COL4A3: variants seen among roughly 807,000 people sequenced by gnomAD.
The protein encoded by COL4A3 is collagen alpha-3(IV) chain.
A neutral mutation model predicts 217.4 loss-of-function variants in COL4A3; 135 were observed. The ratio of observed to expected loss-of-function variants is 0.62; its 90% CI spans 0.54 to 0.72. The LOEUF (loss-of-function observed/expected upper bound fraction) is 0.72, where lower values mean the gene tolerates loss of function less well. Among genes scored for constraint, COL4A3 ranks in the 30% least tolerant of loss-of-function variants. The pLI, the probability that COL4A3 is intolerant of heterozygous loss-of-function variation, is 0.00. For synonymous variants in COL4A3, 690 were observed against 736.3 expected, an observed-to-expected ratio of 0.94 and a Z score of 1.02; for missense variants, 1,868 against 2,119.9, an observed-to-expected ratio of 0.88 and a Z score of 2.33.
intron 1 of COL4A3, chr2:227,169,305 G>T (rs1411909561): frequency 6.6e-6 from 1 of 151,342 alleles, no homozygotes; most frequent in Non-Finnish European, 1.5e-5. Flanking sequence ...GGATATTTGG[G>T]TTGGTTCCAA....
intron 34 of COL4A3, 152 bp downstream of exon 34, chr2:227,284,497 C>G: frequency 1.2e-6 from 1 of 814,484 alleles, no homozygotes; most frequent in Non-Finnish European, 2.0e-6. Flanking sequence ...GCTGAGCAGG[C>G]CTTAGAACTG....
At chr2:227,281,047 A>C (rs753521206) in intron 31 of COL4A3, 41 bp downstream of exon 31, 1 of 1,197,152 alleles carries the variant, frequency 8.4e-7, no homozygotes, top group South Asian at 1.3e-5. Context: ...GAAGGGCAGG[A>C]GACATGAGAC....
intron 1 of COL4A3, among the ~76,000 whole-genome samples, chr2:227,187,861 C>T (rs2066087045): frequency 6.6e-6 from 1 of 152,178 alleles, no homozygotes; most frequent in Admixed American, 6.5e-5. Flanking sequence ...CACTACCAAG[C>T]ATCTAATGCC....
chr2:227,249,212 G>GTGTATATATATATATATATA lies in COL4A3; in HGVS notation c.546+693_546+694insGTATATATATATATATATAT, dbSNP rs1199261361. ...AATTATATATAACCAAAATTAGCTA[G>GTGTATATATATATATATATA]TATATATATATATATATATTTTTTT... On this transcript the variant is annotated intron_variant, in intron 9 of 51. Transcript: ENST00000396578. 2.4e-4 allele frequency among the ~76,000 whole-genome samples: 8 copies of GTGTATATATATATATATATA among 33,232 alleles called. 1 individual carries two copies. Among genetic ancestry groups the GTGTATATATATATATATATA allele is most frequent in the African/African-American group, 5.2e-4 (5 of 9,614 alleles). The allele number at this position is 33,232 out of a possible 152,430, so 21.8% of individuals were successfully genotyped here.
chr2:227,238,541 T>C (rs1044993152), intron 2 of COL4A3, among the ~76,000 whole-genome samples: 1 of 152,200 alleles, frequency 6.6e-6, no homozygotes, highest in Non-Finnish European at 1.5e-5. Context: ...AAAAAAGGAA[T>C]GCCGTGAAAT....
intron 1 of COL4A3, among the ~76,000 whole-genome samples, chr2:227,181,000 C>T (rs1023462786): frequency 2.0e-5 from 3 of 152,050 alleles, no homozygotes; most frequent in Non-Finnish European, 2.9e-5. Flanking sequence ...AGGACTATCC[C>T]GATTAAAAAA....
chr2:227,261,123 T>C lies in COL4A3; in HGVS notation c.1150+6T>C, dbSNP rs1195925580. Reference sequence around the variant, plus strand: ...CGGAGTTCCTGGAAGTCCTGGTATGTCCATGTTTCTTGGGGTACAAATAGA... The same window carrying C: ...CGGAGTTCCTGGAAGTCCTGGTATGCCCATGTTTCTTGGGGTACAAATAGA... On this transcript the variant is annotated splice_donor_region_variant and intron_variant, in intron 20 of 51. Transcript: ENST00000396578. 4 of 1,609,328 alleles carry C rather than the reference T, an allele frequency of 2.5e-6. No individual in the cohort carries two copies. The highest frequency in any genetic ancestry group is 3.4e-6 in the Non-Finnish European group (4 of 1,175,832).
rs1303408997 is a variant in COL4A3 at position 227,256,074 on chromosome 2, T to C, written c.933+4T>C. 12 of 1,613,692 alleles carry C rather than the reference T, an allele frequency of 7.4e-6. No individual in the cohort carries two copies. Among genetic ancestry groups the C allele is most frequent in the African/African-American group, 4.0e-5 (3 of 74,942 alleles). On this transcript the variant is annotated splice_donor_region_variant and intron_variant, in intron 16 of 51. Coordinates refer to ENST00000396578, the MANE Select transcript of COL4A3 (RefSeq NM_000091.5). ...TCCTGGCTTCCCTGGAAGTGAGGTA[T>C]AGAGTTGATTTGGCCTATGGAGGTA...
chr2:227,244,209 C>G (rs535917445), intron 3 of COL4A3, 111 bp from the exon 4 acceptor site: 98 of 829,938 alleles, frequency 1.2e-4, no homozygotes, highest in African/African-American at 1.1e-3. Context: ...ATGAAATAAT[C>G]AGAAGGGCAA....
chr2:227,169,118 C>A (rs1211263574), intron 1 of COL4A3: 1 of 149,900 alleles, frequency 6.7e-6, no homozygotes, highest in East Asian at 2.0e-4. Flanking sequence ...TCAGTTCCCA[C>A]CTATGAGTGA....
intron 36 of COL4A3, 39 bp downstream of exon 36, chr2:227,290,127 G>T: frequency 6.5e-7 from 1 of 1,543,316 alleles, no homozygotes; most frequent in Non-Finnish European, 9.0e-7. Flanking sequence ...ACAAGCTCAT[G>T]ATGGGTGAGG....
intron 1 of COL4A3, among the ~76,000 whole-genome samples, chr2:227,216,690 A>T (rs1490376162): frequency 6.6e-6 from 1 of 152,230 alleles, no homozygotes; most frequent in Non-Finnish European, 1.5e-5. Context: ...AAATATCTCT[A>T]TGTATGCAAC....
At chr2:227,219,538 A>G (rs1215256773) in intron 1 of COL4A3, among the ~76,000 whole-genome samples, 1 of 152,204 alleles carries the variant, frequency 6.6e-6, no homozygotes, top group East Asian at 1.9e-4. Context: ...ATGAGAAGAA[A>G]AACTCAGTCA....
chr2:227,312,136 C>A lies in COL4A3; in HGVS notation c.*266C>A. 1 of 454,790 alleles carries A rather than the reference C, an allele frequency of 2.2e-6. No homozygotes were observed. Among genetic ancestry groups the A allele is most frequent in the Non-Finnish European group, 4.0e-6 (1 of 248,484 alleles). 28.2% of individuals were successfully genotyped at this position (454,790 alleles called of 1,614,324 possible). On this transcript the variant is annotated 3_prime_UTR_variant, in exon 52 of 52. Coordinates refer to ENST00000396578, the MANE Select transcript of COL4A3 (RefSeq NM_000091.5). ...TATCACCAAAAACCTATTCCACTTA[C>A]ATCCAAGGCACTGTCACTACGGTGA...
chr2:227,216,384 T>A lies in COL4A3; in HGVS notation c.88-21584T>A, dbSNP rs140586074. ...AGACAAACAAAAACCAGGACAATAC[T>A]ACAAAGATTCTGCACTTCATTTGTA... On this transcript the variant is annotated intron_variant, in intron 1 of 51. Transcript: ENST00000396578. Among the ~76,000 whole-genome samples the A allele has an allele frequency of 6.5e-4, 99 of 152,318 alleles. 1 individual carries two copies. The highest frequency in any genetic ancestry group is 1.5e-4 in the Non-Finnish European group (10 of 68,028).
intron 1 of COL4A3, among the ~76,000 whole-genome samples, chr2:227,207,806 G>A (rs1183014996): frequency 2.6e-5 from 4 of 152,232 alleles, no homozygotes; most frequent in Non-Finnish European, 5.9e-5. Context: ...CCTGGTGGGG[G>A]AGAGTTCTGC....
In COL4A3 at chr2:227,283,816, T is replaced by C; in HGVS notation, c.2706T>C (p.Pro902=). The change falls in exon 33 of 52, where the codon CCT becomes CCC. Residue 902 remains proline (P), a synonymous_variant. Coordinates refer to ENST00000396578, the MANE Select transcript of COL4A3 (RefSeq NM_000091.5). The part of the protein sequence containing the change: ...GMMGFPGAIG[P]PGPPGNPGTP... ...TGGGCTTTCCTGGAGCCATTGGCCC[T>C]CCAGGGCCCCCTGGGAACCCAGGCA... 6.2e-7 allele frequency: 1 copy of C among 1,614,198 alleles called. No individual in the cohort carries two copies. Among genetic ancestry groups the C allele is most frequent in the South Asian group, 1.1e-5 (1 of 91,086 alleles).
chr2:227,194,376 G>A (rs559101826), intron 1 of COL4A3, among the ~76,000 whole-genome samples: 2 of 152,278 alleles, frequency 1.3e-5, no homozygotes, highest in South Asian at 2.1e-4. Flanking sequence ...GAGGGCTGAG[G>A]GGTGAGGGGC....
chr2:227,206,090 T>C (rs1267999218), intron 1 of COL4A3, among the ~76,000 whole-genome samples: 1 of 152,096 alleles, frequency 6.6e-6, no homozygotes, highest in Non-Finnish European at 1.5e-5. Flanking sequence ...ATTTTTTTTT[T>C]CGAGATGGAG....
Sources: gnomAD v4.1 joint callset for allele counts (sites outside exome capture counted in the v4.1 genomes callset) on GRCh38, gnomAD v4.1.1 for gene constraint, MANE v1.5 for transcripts, NCBI Gene and HGNC (gene_info 2026-07-23, HGNC 2026-07-21) for gene names.